Variants in PXT1 observed in about 807,000 individuals in gnomAD.
PXT1 encodes the protein peroxisomal testis enriched protein 1.
In PXT1, 11 loss-of-function variants were observed where a neutral mutation model predicts 11.0. The observed-to-expected ratio is 1.00, with a 90% confidence interval of 0.63 to 1.66. PXT1 has a LOEUF of 1.66. PXT1 is among the 40% of genes most tolerant of loss of function. The pLI, the probability that PXT1 is intolerant of heterozygous loss-of-function variation, is 0.00. For synonymous variants in PXT1, 43 were observed against 51.4 expected (o/e 0.84, Z 0.70); for missense variants, 141 against 155.5 (o/e 0.91, Z 0.49).
intron 4 of PXT1, among the ~76,000 whole-genome samples, chr6:36,394,472 G>A (rs1439098461): frequency 1.3e-5 from 2 of 152,108 alleles, no homozygotes; most frequent in Non-Finnish European, 1.5e-5. Context: ...ACCCAAATTA[G>A]GCTAATTCGA....
intron 3 of PXT1, among the ~76,000 whole-genome samples, chr6:36,404,717 G>A (rs1774264077): frequency 6.6e-6 from 1 of 152,052 alleles, no homozygotes; most frequent in Non-Finnish European, 1.5e-5. Context: ...CAGCACTTTG[G>A]GAGGCCAAGG....
intron 4 of PXT1, among the ~76,000 whole-genome samples, chr6:36,392,213 G>A (rs1259482591): frequency 2.0e-5 from 3 of 152,274 alleles, no homozygotes; most frequent in Non-Finnish European, 4.4e-5. Context: ...AATATTTTGT[G>A]CAGACAGGGT....
At chr6:36,400,363 T>C in intron 4 of PXT1, 91 bp downstream of exon 4, 1 of 1,434,062 alleles carries the variant, frequency 7.0e-7, no homozygotes, top group Non-Finnish European at 9.7e-7. Flanking sequence ...ATTCTGATAA[T>C]TCCTGGGCAT....
Position 36,427,373 on chromosome 6 carries a change from T to C in PXT1, c.-9-1282A>G, listed in dbSNP as rs369612412. On this transcript the variant is annotated intron_variant, in intron 2 of 4. Coordinates refer to ENST00000454782, the MANE Select transcript of PXT1 (RefSeq NM_152990.4). ...AGGGTGGCCACAGAGTTCAAAACTTTCTGTTCTACCTCCTAAATCTACCTT... is the reference window on the plus strand; with the variant it reads ...AGGGTGGCCACAGAGTTCAAAACTTCCTGTTCTACCTCCTAAATCTACCTT... 8.3e-4 allele frequency among the ~76,000 whole-genome samples: 127 copies of C among 152,292 alleles called. 2 individuals carry two copies. The highest frequency in any genetic ancestry group is 4.1e-3 in the South Asian group (20 of 4,830).
chr6:36,434,824 G>A (rs1774740081), intron 2 of PXT1, among the ~76,000 whole-genome samples: 1 of 152,146 alleles, frequency 6.6e-6, no homozygotes, highest in Admixed American at 6.5e-5. Flanking sequence ...TAGTTAAGTG[G>A]CAAAAGCCCC....
intron 2 of PXT1, among the ~76,000 whole-genome samples, chr6:36,432,830 A>G (rs1049688932): frequency 6.6e-6 from 1 of 152,096 alleles, no homozygotes; most frequent in Non-Finnish European, 1.5e-5. Context: ...CTTGGCATAG[A>G]TCAGAGTGAG....
At chr6:36,393,548 G>A (rs1774100418) in intron 4 of PXT1, 1 of 152,258 alleles carries the variant, frequency 6.6e-6, no homozygotes, top group Admixed American at 6.5e-5. Flanking sequence ...TGACCAACAT[G>A]GTGAAACACC....
intron 2 of PXT1, among the ~76,000 whole-genome samples, chr6:36,432,168 G>T (rs977220347): frequency 6.6e-6 from 1 of 152,128 alleles, no homozygotes; most frequent in African/African-American, 2.4e-5. Flanking sequence ...GGTCAGGAAG[G>T]ACTCATCTAG....
intron 3 of PXT1, among the ~76,000 whole-genome samples, chr6:36,415,573 A>C (rs547824471): frequency 6.6e-6 from 1 of 152,190 alleles, no homozygotes; most frequent in Non-Finnish European, 1.5e-5. Flanking sequence ...GGTGAGTATG[A>C]ATTTGAGTTA....
Position 36,391,963 on chromosome 6 carries a change from G to A in PXT1, c.301-89C>T, listed in dbSNP as rs1774075667. 3 of 841,518 alleles carry A rather than the reference G, an allele frequency of 3.6e-6. No individual in the cohort carries two copies. In the East Asian group the frequency reaches 7.4e-5, roughly 21 times the overall value. 52.1% of individuals were successfully genotyped at this position (841,518 alleles called of 1,614,324 possible). A position where few individuals can be genotyped will look rare whatever the true frequency, so the allele number is the denominator to read the frequency against. On this transcript the variant is annotated intron_variant, in intron 4 of 4. Transcript: ENST00000454782. ...CCAAAGTTAAAAATTCAACACAATG[G>A]AAAATATTAATTCAATCCATGCTGC...
At chr6:36,412,667 A>AC (rs879404723) in intron 3 of PXT1, among the ~76,000 whole-genome samples, 16 of 151,504 alleles carry the variant, frequency 1.1e-4, no homozygotes, top group Admixed American at 1.1e-3. Flanking sequence ...TCAAAAAAAA[A>AC]AAAATGGAGT....
At chr6:36,417,591 CAAAAAAAAAA>C (rs70975157) in intron 3 of PXT1, among the ~76,000 whole-genome samples, 9 of 99,568 alleles carry the variant, frequency 9.0e-5, no homozygotes, top group African/African-American at 3.6e-4. Context: ...TTCGTCTCTA[CAAAAAAAAAA>C]AAAAAAAAAT....
At chr6:36,434,262 A>G (rs1462912899) in intron 2 of PXT1, among the ~76,000 whole-genome samples, 1 of 152,196 alleles carries the variant, frequency 6.6e-6, no homozygotes, top group Non-Finnish European at 1.5e-5. Flanking sequence ...AAGGCCCAGC[A>G]TGACGAATGG....
chr6:36,423,492 GGCGGCGGCGC>G (rs1233857871), intron 3 of PXT1, among the ~76,000 whole-genome samples: 1 of 152,232 alleles, frequency 6.6e-6, no homozygotes, highest in Non-Finnish European at 1.5e-5. Flanking sequence ...CGACGCGGCC[GGCGGCGGCGC>G]GCGCGTAGCT....
intron 3 of PXT1, among the ~76,000 whole-genome samples, chr6:36,417,767 C>CAA (rs369423691): frequency 1.7e-4 from 10 of 60,430 alleles, no homozygotes; most frequent in African/African-American, 2.7e-4. Context: ...GATCCTGTCT[C>CAA]AAAAAAAAAA....
rs534170974 is a variant in PXT1 at position 36,395,904 on chromosome 6, TA to T, written c.301-4031del. On this transcript the variant is annotated intron_variant, in intron 4 of 4. Coordinates refer to ENST00000454782, the MANE Select transcript of PXT1 (RefSeq NM_152990.4). ...TGTGGTCCCAGCTACTCTGGAGGCC[TA>T]CGTGGGAGGATTCCTTGAACCTGGG... Among the ~76,000 whole-genome samples, 118 of 152,112 alleles carry T rather than the reference TA, an allele frequency of 7.8e-4. 1 individual carries two copies. Among genetic ancestry groups the T allele is most frequent in the Non-Finnish European group, 1.4e-3 (95 of 67,964 alleles).
At chr6:36,429,167 G>A (rs1427538210) in intron 2 of PXT1, among the ~76,000 whole-genome samples, 1 of 145,184 alleles carries the variant, frequency 6.9e-6, no homozygotes, top group Non-Finnish European at 1.5e-5. Flanking sequence ...TCAGGAAGCT[G>A]AGGTGGGAGA....
chr6:36,408,878 A>G (rs1257107354), intron 3 of PXT1, among the ~76,000 whole-genome samples: 1 of 146,198 alleles, frequency 6.8e-6, no homozygotes, highest in Non-Finnish European at 1.5e-5. Context: ...CCATGTTTCA[A>G]AAAAAAAAAT....
chr6:36,424,432 G>A (rs1272462254), intron 3 of PXT1, among the ~76,000 whole-genome samples: 2 of 149,982 alleles, frequency 1.3e-5, no homozygotes, highest in Non-Finnish European at 3.0e-5. Flanking sequence ...ACGAGGTCAG[G>A]AGATCAAGAC....
Sources: allele counts gnomAD v4.1 joint callset (sites outside exome capture counted in the v4.1 genomes callset), GRCh38; gene constraint gnomAD v4.1.1; transcripts MANE v1.5; gene names NCBI Gene and HGNC (gene_info 2026-07-23, HGNC 2026-07-21).